The following IL16 variants were observed in gnomAD, a reference collection of about 807,000 sequenced individuals.
The protein encoded by IL16 is pro-interleukin-16.
In IL16, 67 loss-of-function variants were observed where a neutral mutation model predicts 110.1. That is an observed-to-expected ratio of 0.61 (90% CI 0.50 to 0.75). The LOEUF is 0.75. Among genes scored for constraint, IL16 ranks in the 30% least tolerant of loss-of-function variants. The pLI is 0.00. For synonymous variants in IL16, 689 were observed against 662.9 expected, an observed-to-expected ratio of 1.04 and a Z score of -0.61; for missense variants, 1,545 against 1,655.0, an observed-to-expected ratio of 0.93 and a Z score of 1.15.
chr15:81,193,880 C>T (rs777254444), upstream of IL16, among the ~76,000 whole-genome samples: 1 of 152,132 alleles, frequency 6.6e-6, no homozygotes, highest in East Asian at 1.9e-4. Context: ...TTATTATCAT[C>T]ATGTCCATTA....
chr15:81,309,059 TGC>T lies in IL16; in HGVS notation c.*262_*263del. 1 of 377,974 alleles carries T rather than the reference TGC, an allele frequency of 2.6e-6. No individual in the cohort carries two copies. Among genetic ancestry groups the T allele is most frequent in the Non-Finnish European group, 4.7e-6 (1 of 212,276 alleles). 23.4% of individuals were successfully genotyped at this position (377,974 alleles called of 1,614,324 possible). On this transcript the variant is annotated 3_prime_UTR_variant, in exon 19 of 19. Coordinates refer to ENST00000683961, the MANE Select transcript of IL16 (RefSeq NM_172217.5). ...AGAGAGCTTAATGATAATATTGTGG[TGC>T]CACAAATAAAATGGATTTATTAGAA...
Position 81,300,460 on chromosome 15 carries a change from C to T in IL16, c.3134C>T (p.Thr1045Ile), listed in dbSNP as rs200428853. 64 of 1,612,362 alleles carry T rather than the reference C, an allele frequency of 4.0e-5. No homozygotes were observed. In the East Asian group the frequency reaches 1.3e-3, roughly 33 times the overall value. ...NGSAETSALD[T>I]GFSLNLSELR... Reference sequence around the variant, plus strand: ...TCTGCTGAAACATCTGCCTTGGACACAGGGTTCTCGCTCAAGTGAGTTTCT... The same window carrying T: ...TCTGCTGAAACATCTGCCTTGGACATAGGGTTCTCGCTCAAGTGAGTTTCT... The change falls in exon 14 of 19, where the codon ACA becomes ATA. Residue 1045 changes from threonine to isoleucine, a missense_variant. Around this residue, in one of 3 missense-constraint regions of IL16, gnomAD observed 356 missense variants for 399.3 expected, o/e 0.89. Coordinates refer to ENST00000683961, the MANE Select transcript of IL16 (RefSeq NM_172217.5).
At position 81,278,904 on chromosome 15, in the gene IL16, A is replaced by G; in HGVS notation, c.864+14A>G. 1 of 1,589,136 alleles carries G rather than the reference A, an allele frequency of 6.3e-7. No individual in the cohort carries two copies. Among genetic ancestry groups the G allele is most frequent in the Non-Finnish European group, 8.6e-7 (1 of 1,157,246 alleles). Reference sequence around the variant, plus strand: ...CAGAAGTTCAAGGTGACCATTTCTTATCAACACGTGACCAAACTCTGGGGC... The same window carrying G: ...CAGAAGTTCAAGGTGACCATTTCTTGTCAACACGTGACCAAACTCTGGGGC... On this transcript the variant is annotated intron_variant, in intron 7 of 18. Transcript: ENST00000683961.
intron 10 of IL16, among the ~76,000 whole-genome samples, chr15:81,287,752 G>A (rs1234914461): frequency 6.6e-6 from 1 of 152,232 alleles, no homozygotes; most frequent in Non-Finnish European, 1.5e-5. Context: ...GTGGAGTAAT[G>A]AGGGAAATCA....
intron 1 of IL16, among the ~76,000 whole-genome samples, chr15:81,206,866 A>AATAATG (rs111508373): frequency 1.3e-5 from 2 of 150,876 alleles, no homozygotes; most frequent in African/African-American, 4.9e-5. Flanking sequence ...GGCTTTAAAT[A>AATAATG]ATGATGATGA....
chr15:81,220,796 G>GAA lies in IL16; in HGVS notation c.-101-4489_-101-4488dup, dbSNP rs3086670. On this transcript the variant is annotated intron_variant, in intron 1 of 18. Transcript: ENST00000683961. The stretch of plus-strand genomic sequence containing the variant: ...GTTTCTCAACAAGTGCTTGTTGAAT[G>GAA]AAAAAAAAAAAAAAATGAAAAGGAA... Among the ~76,000 whole-genome samples, 362 of 128,846 alleles carry GAA rather than the reference G, an allele frequency of 2.8e-3. 5 individuals carry two copies. The highest frequency in any genetic ancestry group is 7.6e-3 in the African/African-American group (267 of 35,258). 84.5% of individuals were successfully genotyped at this position (128,846 alleles called of 152,430 possible).
chr15:81,255,064 C>T (rs951766983), intron 2 of IL16, among the ~76,000 whole-genome samples: 7 of 152,192 alleles, frequency 4.6e-5, no homozygotes, highest in South Asian at 2.1e-4. Flanking sequence ...CCTTTCCCTA[C>T]GACTCATTTC....
At chr15:81,285,901 G>A (rs758756684) in intron 10 of IL16, 71 bp downstream of exon 10, 9 of 1,501,910 alleles carry the variant, frequency 6.0e-6, no homozygotes, top group Non-Finnish European at 8.3e-6. Context: ...ACAAGAAATA[G>A]ATGAAAACAG....
chr15:81,306,568 T>C, intron 18 of IL16, 23 bp downstream of exon 18: 1 of 1,609,238 alleles, frequency 6.2e-7, no homozygotes, highest in African/African-American at 1.3e-5. Context: ...TCTGGTTCTT[T>C]GCGTGCTCTC....
chr15:81,249,970 G>T (rs1567018379), intron 2 of IL16, among the ~76,000 whole-genome samples: 1 of 151,974 alleles, frequency 6.6e-6, no homozygotes, highest in Non-Finnish European at 1.5e-5. Flanking sequence ...TTTTTAATAT[G>T]AATAATTTTT....
At chr15:81,288,942 G>A (rs79981023) in intron 10 of IL16, among the ~76,000 whole-genome samples, 3,089 of 152,080 alleles carry the variant, frequency 0.02, 109 homozygotes, top group African/African-American at 0.062. Flanking sequence ...TACAATGAAC[G>A]TGGAGTACAG....
In IL16 at chr15:81,197,102, G is replaced by A; in HGVS notation, c.-152G>A. 3 of 1,289,006 alleles carry A rather than the reference G, an allele frequency of 2.3e-6. No homozygotes were observed. The highest frequency in any genetic ancestry group is 3.0e-6 in the Non-Finnish European group (3 of 988,598). The allele number at this position is 1,289,006 out of a possible 1,614,324, so 79.8% of individuals were successfully genotyped here. A position where few individuals can be genotyped will look rare whatever the true frequency, so the allele number is the denominator to read the frequency against. On this transcript the variant is annotated 5_prime_UTR_variant, in exon 1 of 19. Coordinates refer to ENST00000683961, the MANE Select transcript of IL16 (RefSeq NM_172217.5). ...GCTGGGCAGATGGAGAGAGGAGCAA[G>A]GGAGATGGCAGCCCCGGGGGACTGT...
intron 9 of IL16, among the ~76,000 whole-genome samples, chr15:81,283,396 G>T (rs1292513095): frequency 6.6e-6 from 1 of 152,004 alleles, no homozygotes; most frequent in African/African-American, 2.4e-5. Context: ...AGAATGATCT[G>T]GGCATAGCTC....
At position 81,292,661 on chromosome 15, in the gene IL16, G is replaced by A. The variant is rs61755735; in HGVS notation, c.1526G>A (p.Arg509His). Reference protein sequence around the residue: ...PHRRAQKVMIRSSSDSSYMSG... With the variant: ...PHRRAQKVMIHSSSDSSYMSG... ...CGCAGGGCTCAGAAGGTCATGATCC[G>A]CTCCAGCAGTGACAGCAGCTACATG... is the stretch of plus-strand genomic sequence containing the variant. The change falls in exon 12 of 19, where the codon CGC (arginine) becomes CAC (histidine). Residue 509 changes from arginine to histidine, a missense_variant. Physicochemically the swap from Arg to His is conservative, Grantham distance 29 (BLOSUM62 0). This residue lies in a region of IL16 where 1,185 missense variants were observed against 1,238.8 expected (regional missense o/e 0.96). Coordinates refer to ENST00000683961, the MANE Select transcript of IL16 (RefSeq NM_172217.5). The A allele has an allele frequency of 1.8e-4, 284 of 1,614,070 alleles. No individual in the cohort carries two copies. The African/African-American group carries it at 2.9e-3, about 16-fold the overall frequency.
At chr15:81,253,388 A>G (rs532625991) in intron 2 of IL16, among the ~76,000 whole-genome samples, 7 of 152,298 alleles carry the variant, frequency 4.6e-5, no homozygotes, top group Admixed American at 1.3e-4. Context: ...CTTATCAGAT[A>G]TATGATTTGC....
chr15:81,313,173 G>C lies in IL16; in HGVS notation c.*4375G>C. On this transcript the variant is annotated 3_prime_UTR_variant, in exon 19 of 19. Coordinates refer to ENST00000683961, the MANE Select transcript of IL16 (RefSeq NM_172217.5). ...CCAAAGAGTGAACACAGGCCTCTGC[G>C]TGCTCCCAGGCTCCTTGGTGTCCCA... 7.0e-7 allele frequency: 1 copy of C among 1,423,220 alleles called. No individual in the cohort carries two copies. The highest frequency in any genetic ancestry group is 9.3e-7 in the Non-Finnish European group (1 of 1,075,026). 88.2% of individuals were successfully genotyped at this position (1,423,220 alleles called of 1,614,324 possible). A position where few individuals can be genotyped will look rare whatever the true frequency, so the allele number is the denominator to read the frequency against.
At chr15:81,227,132 T>C (rs761206002) in intron 2 of IL16, among the ~76,000 whole-genome samples, 31 of 152,120 alleles carry the variant, frequency 2.0e-4, no homozygotes, top group Non-Finnish European at 4.0e-4. Flanking sequence ...GCATCATGTC[T>C]CTGGGGATGC....
intron 9 of IL16, among the ~76,000 whole-genome samples, chr15:81,284,928 T>C (rs1176366096): frequency 6.6e-6 from 1 of 152,214 alleles, no homozygotes; most frequent in South Asian, 2.1e-4. Context: ...ATTTACTCTC[T>C]GGCCCTTTGC....
intron 1 of IL16, among the ~76,000 whole-genome samples, chr15:81,216,482 C>G (rs1002157295): frequency 2.6e-5 from 4 of 152,106 alleles, no homozygotes; most frequent in African/African-American, 9.7e-5. Flanking sequence ...CTGGCTTTTT[C>G]TTTTTGAAGA....
Sources: gnomAD v4.1 joint callset for allele counts (sites outside exome capture counted in the v4.1 genomes callset) on GRCh38, gnomAD v4.1.1 for gene constraint, gnomAD v4.1.1 regional missense constraint, MANE v1.5 for transcripts, NCBI Gene and HGNC (gene_info 2026-07-23, HGNC 2026-07-21) for gene names.